Variants in ANKRD30A observed in about 807,000 individuals in gnomAD.
ANKRD30A encodes the protein ankyrin repeat domain 30A.
A neutral mutation model predicts 166.3 loss-of-function variants in ANKRD30A; 170 were observed. The ratio of observed to expected loss-of-function variants is 1.02; its 90% confidence interval spans 0.90 to 1.16. The LOEUF is 1.16. Ranked by LOEUF, ANKRD30A falls within the 50% of genes most tolerant of loss-of-function variation. The probability of loss-of-function intolerance (pLI) is 0.00; values close to 1 mark genes in which losing one functional copy is unlikely to be tolerated. For synonymous variants in ANKRD30A, 564 were observed against 508.9 expected, an observed-to-expected ratio of 1.11 and a Z score of -1.46; for missense variants, 1,630 against 1,518.0, an observed-to-expected ratio of 1.07 and a Z score of -1.23.
At position 37,197,283 on chromosome 10, in the gene ANKRD30A, C is replaced by A. The variant is rs1841211135; in HGVS notation, c.2617C>A (p.Pro873Thr). 22 of 1,613,088 alleles carry A rather than the reference C, an allele frequency of 1.4e-5. No individual in the cohort carries two copies. Among genetic ancestry groups the A allele is most frequent in the Non-Finnish European group, 1.7e-5 (20 of 1,179,724 alleles). Residue 873 changes from proline (P) to threonine (T), a missense_variant and splice_region_variant, in exon 28 of 36, where the codon CCT (proline) becomes ACT (threonine). Coordinates refer to ENST00000361713, the MANE Select transcript of ANKRD30A (RefSeq NM_052997.3). ...LMDMQTFKAEPPEKPSAFEPA... is the reference protein window; with the variant it reads ...LMDMQTFKAETPEKPSAFEPA... ...GATAAATCTCTTTTGCTTTTTAGAG[C>A]CTCCCGAGAAGCCATCTGCCTTCGA...
At chr10:37,221,137 G>C (rs1842879286) in intron 34 of ANKRD30A, among the ~76,000 whole-genome samples, 2 of 149,736 alleles carry the variant, frequency 1.3e-5, no homozygotes, top group Non-Finnish European at 3.0e-5. Context: ...CTGGTGTCTA[G>C]TAAGAGAGTA....
intron 9 of ANKRD30A, among the ~76,000 whole-genome samples, chr10:37,147,720 G>T (rs1377856772): frequency 2.0e-5 from 3 of 152,058 alleles, no homozygotes; most frequent in African/African-American, 7.2e-5. Context: ...AAGGGAAAAG[G>T]AGTAAAAAGG....
At chr10:37,232,698 A>AT (rs1843493731), downstream of ANKRD30A, 2 of 1,404 alleles carry the variant, frequency 1.4e-3, no homozygotes, top group African/African-American at 2.2e-3. Flanking sequence ...ATATATAAAT[A>AT]GAGAGAGAGA....
chr10:37,157,409 A>C (rs938652157), intron 13 of ANKRD30A, among the ~76,000 whole-genome samples: 1 of 152,214 alleles, frequency 6.6e-6, no homozygotes, highest in Admixed American at 6.5e-5. Flanking sequence ...TCTGTCATCC[A>C]GGCTGGAGTG....
At chr10:37,240,049 G>A in the ANKRD30A span, among the ~76,000 whole-genome samples, 1 of 152,126 alleles carries the variant, frequency 6.6e-6, no homozygotes, top group African/African-American at 2.4e-5. Flanking sequence ...ACGGTAAATA[G>A]GAAATGGCTA....
At chr10:37,253,440 T>C in the ANKRD30A span, among the ~76,000 whole-genome samples, 3 of 152,174 alleles carry the variant, frequency 2.0e-5, no homozygotes, top group Non-Finnish European at 4.4e-5. Flanking sequence ...CAATCCATTA[T>C]AGAATATTTT....
the ANKRD30A span, among the ~76,000 whole-genome samples, chr10:37,265,701 G>A: frequency 1.3e-5 from 2 of 152,220 alleles, no homozygotes; most frequent in East Asian, 1.9e-4. Context: ...TGTTTCCACC[G>A]ACGTTTAAAG....
intron 15 of ANKRD30A, among the ~76,000 whole-genome samples, chr10:37,159,494 CAGAGTG>C (rs890151902): frequency 1.3e-5 from 2 of 151,958 alleles, no homozygotes; most frequent in African/African-American, 4.8e-5. Context: ...GCTTGAGTGA[CAGAGTG>C]AGACTCCATC....
chr10:37,244,439 T>C, the ANKRD30A span, among the ~76,000 whole-genome samples: 2 of 152,168 alleles, frequency 1.3e-5, no homozygotes, highest in Non-Finnish European at 1.5e-5. Flanking sequence ...ACATTTAAAC[T>C]CCTCATAGAC....
chr10:37,162,625 T>A, intron 15 of ANKRD30A, 24 bp from the exon 16 acceptor site: 1 of 1,611,806 alleles, frequency 6.2e-7, no homozygotes, highest in Non-Finnish European at 8.5e-7. Context: ...ATATGATTGA[T>A]GATAAATCTC....
the ANKRD30A span, among the ~76,000 whole-genome samples, chr10:37,260,380 A>C: frequency 2.0e-5 from 3 of 151,994 alleles, no homozygotes; most frequent in Non-Finnish European, 2.9e-5. Context: ...CCTCTCCCCT[A>C]AGATTTAGGA....
At chr10:37,149,243 T>C (rs1429109747) in intron 9 of ANKRD30A, among the ~76,000 whole-genome samples, 3 of 152,062 alleles carry the variant, frequency 2.0e-5, no homozygotes, top group Non-Finnish European at 4.4e-5. Context: ...AATTCTACAT[T>C]CAGCTGAACT....
intron 15 of ANKRD30A, 97 bp from the exon 16 acceptor site, chr10:37,162,552 G>C (rs1334210170): frequency 2.9e-5 from 43 of 1,480,456 alleles, no homozygotes; most frequent in Non-Finnish European, 3.8e-5. Flanking sequence ...TCTCCAATTG[G>C]AGCAAGAGGA....
chr10:37,154,167 A>T (rs571983166), intron 13 of ANKRD30A, among the ~76,000 whole-genome samples: 36 of 152,286 alleles, frequency 2.4e-4, no homozygotes, highest in African/African-American at 8.2e-4. Context: ...GCCATTAGGG[A>T]TGGAAGCACC....
chr10:37,198,194 A>C (rs1489968803), intron 29 of ANKRD30A, among the ~76,000 whole-genome samples: 1 of 152,118 alleles, frequency 6.6e-6, no homozygotes, highest in African/African-American at 2.4e-5. Flanking sequence ...ATGCATGTTT[A>C]AACATTTTAC....
intron 15 of ANKRD30A, among the ~76,000 whole-genome samples, chr10:37,162,198 A>T (rs185695821): frequency 2.6e-5 from 4 of 152,292 alleles, no homozygotes; most frequent in East Asian, 1.9e-4. Flanking sequence ...TCCAAGCTGA[A>T]CAATTCATAA....
chr10:37,171,762 G>T (rs1291961862), intron 21 of ANKRD30A, among the ~76,000 whole-genome samples: 3 of 150,772 alleles, frequency 2.0e-5, no homozygotes, highest in African/African-American at 7.3e-5. Context: ...AAAAGAGTTG[G>T]TTACAGATTC....
intron 11 of ANKRD30A, among the ~76,000 whole-genome samples, chr10:37,150,694 AT>A (rs1164549690): frequency 6.6e-6 from 1 of 152,082 alleles, no homozygotes; most frequent in African/African-American, 2.4e-5. Context: ...GTTTTTTAAT[AT>A]TAGGTTGTTT....
intron 31 of ANKRD30A, among the ~76,000 whole-genome samples, chr10:37,201,942 T>G (rs1273156830): frequency 6.6e-6 from 1 of 152,026 alleles, no homozygotes; most frequent in Non-Finnish European, 1.5e-5. Flanking sequence ...GACCAGAAAT[T>G]TTCATAGAAA....
Sources: gnomAD v4.1 joint callset for allele counts (sites outside exome capture counted in the v4.1 genomes callset) on GRCh38, gnomAD v4.1.1 for gene constraint, MANE v1.5 for transcripts, NCBI Gene and HGNC (gene_info 2026-07-23, HGNC 2026-07-21) for gene names.